The following SH3KBP1 variants were observed in gnomAD, a reference collection of about 807,000 sequenced individuals.
The protein encoded by SH3KBP1 is SH3 domain-containing kinase-binding protein 1.
In SH3KBP1, 8 loss-of-function variants were observed where a neutral mutation model predicts 50.1. The ratio of observed to expected loss-of-function variants is 0.16; its 90% CI spans 0.09 to 0.29. The LOEUF (loss-of-function observed/expected upper bound fraction) is 0.29, where lower values mean the gene tolerates loss of function less well. Among genes scored for constraint, SH3KBP1 ranks in the 10% least tolerant of loss-of-function variants. The pLI is 1.00. For missense variants in SH3KBP1, 377 were observed against 535.2 expected (o/e 0.70, Z 2.92); for synonymous variants, 227 against 218.6 (o/e 1.04, Z -0.34).
At chrX:19,803,179 C>T (rs2066940995) in intron 2 of SH3KBP1, among the ~76,000 whole-genome samples, 1 of 111,957 alleles carries the variant, frequency 8.9e-6, no homozygotes, top group Non-Finnish European at 1.9e-5. Context: ...CATCTCTCAC[C>T]GTAGAAGCTT....
At chrX:19,749,477 A>T (rs2065006961) in intron 2 of SH3KBP1, among the ~76,000 whole-genome samples, 1 of 113,140 alleles carries the variant, frequency 8.8e-6, no homozygotes, top group Non-Finnish European at 1.9e-5. Context: ...AATATTATAC[A>T]GCCTCGAAAA....
At chrX:19,652,315 A>G (rs751477506) in intron 6 of SH3KBP1, among the ~76,000 whole-genome samples, 1 of 111,491 alleles carries the variant, frequency 9.0e-6, no homozygotes, top group Admixed American at 9.5e-5. Flanking sequence ...ATTGGTTGCT[A>G]TAGAGAAGAA....
intron 9 of SH3KBP1, among the ~76,000 whole-genome samples, chrX:19,605,711 G>A (rs1467882554): frequency 1.8e-5 from 2 of 111,838 alleles, no homozygotes; most frequent in African/African-American, 6.5e-5. Context: ...CAGTACCCAT[G>A]TGCACGCTTC....
chrX:19,790,385 C>T (rs1312603478), intron 2 of SH3KBP1, among the ~76,000 whole-genome samples: 1 of 111,467 alleles, frequency 9.0e-6, no homozygotes, highest in Non-Finnish European at 1.9e-5. Flanking sequence ...TTATGAGCAC[C>T]GTTCTGGGGG....
chrX:19,611,167 C>T (rs892479524), intron 8 of SH3KBP1, among the ~76,000 whole-genome samples: 10 of 109,144 alleles, frequency 9.2e-5, no homozygotes, highest in Non-Finnish European at 1.3e-4. Flanking sequence ...ATTACAGGTG[C>T]GAGCTACCAC....
intron 3 of SH3KBP1, among the ~76,000 whole-genome samples, chrX:19,744,475 G>C (rs755191893): frequency 8.9e-5 from 10 of 111,788 alleles, no homozygotes; most frequent in Non-Finnish European, 1.3e-4. Flanking sequence ...CCTTCAGCTG[G>C]AAATTTATGT....
At chrX:19,569,239 T>C (rs756321571) in intron 12 of SH3KBP1, 51 bp from the exon 13 acceptor site, 2 of 1,051,031 alleles carry the variant, frequency 1.9e-6, no homozygotes, top group East Asian at 3.0e-5. Flanking sequence ...TGTGTCCTTG[T>C]CATTCTGTCA....
At chrX:19,629,079 C>T (rs770958931) in intron 8 of SH3KBP1, among the ~76,000 whole-genome samples, 1 of 111,377 alleles carries the variant, frequency 9.0e-6, no homozygotes, top group African/African-American at 3.3e-5. Context: ...TGCACTCCAG[C>T]CTGGGCGACA....
At chrX:19,608,552 G>A (rs1161190106) in intron 8 of SH3KBP1, among the ~76,000 whole-genome samples, 2 of 111,051 alleles carry the variant, frequency 1.8e-5, no homozygotes, top group East Asian at 2.8e-4. Flanking sequence ...CAGGTGATCC[G>A]CCCGCCTTGG....
intron 12 of SH3KBP1, among the ~76,000 whole-genome samples, chrX:19,572,315 T>TTATATAGTACATATATATGTTA (rs1287695508): frequency 3.0e-5 from 3 of 101,351 alleles, no homozygotes; most frequent in East Asian, 2.8e-4. Flanking sequence ...AGTACATATG[T>TTATATAGTACATATATATGTTA]TATATAGTAC....
chrX:19,842,168 T>A (rs150698014), intron 1 of SH3KBP1, among the ~76,000 whole-genome samples: 231 of 112,110 alleles, frequency 2.1e-3, no homozygotes, highest in Non-Finnish European at 3.6e-3. Context: ...TGCTGTAAAT[T>A]TACTTGAAAA....
chrX:19,887,450 C>T lies in SH3KBP1; in HGVS notation c.-140G>A. The T allele has an allele frequency of 2.2e-6, 1 of 462,009 alleles. No homozygotes were observed. Among genetic ancestry groups the T allele is most frequent in the Non-Finnish European group, 3.1e-6 (1 of 327,059 alleles). The allele number at this position is 462,009 out of a possible 1,213,427, so 38.1% of individuals were successfully genotyped here. A position where few individuals can be genotyped will look rare whatever the true frequency, so the allele number is the denominator to read the frequency against. ...GCGGCGGCTGGGCCGGCTTCTTCCT[C>T]AGTGGCGGCGGCGGCGGCTCAGCGC... On this transcript the variant is annotated 5_prime_UTR_variant, in exon 1 of 18. Coordinates refer to ENST00000397821, the MANE Select transcript of SH3KBP1 (RefSeq NM_031892.3).
chrX:19,566,218 A>C (rs377269713), intron 13 of SH3KBP1, among the ~76,000 whole-genome samples: 3 of 111,049 alleles, frequency 2.7e-5, no homozygotes, highest in East Asian at 5.6e-4. Context: ...GAGAAAACCA[A>C]ACCTCAGTAC....
chrX:19,583,144 AT>A (rs1404329224), intron 12 of SH3KBP1, among the ~76,000 whole-genome samples: 2 of 99,664 alleles, frequency 2.0e-5, no homozygotes, highest in Non-Finnish European at 3.9e-5. Flanking sequence ...TATTATTATT[AT>A]TATTATTATT....
chrX:19,645,836 G>A (rs1474707162), intron 6 of SH3KBP1, among the ~76,000 whole-genome samples: 2 of 111,875 alleles, frequency 1.8e-5, no homozygotes, highest in African/African-American at 3.3e-5. Context: ...CTGGCCCAAC[G>A]GAGATGCTCA....
intron 2 of SH3KBP1, among the ~76,000 whole-genome samples, chrX:19,816,643 C>CA (rs977138785): frequency 2.7e-5 from 3 of 110,241 alleles, no homozygotes; most frequent in African/African-American, 9.9e-5. Context: ...TCCATCTCTA[C>CA]AAAAAATACA....
intron 7 of SH3KBP1, among the ~76,000 whole-genome samples, chrX:19,635,887 T>C (rs1384087680): frequency 9.0e-6 from 1 of 111,572 alleles, no homozygotes; most frequent in Non-Finnish European, 1.9e-5. Context: ...TGATGGAATA[T>C]TGTTGTGTTT....
chrX:19,564,459 C>A (rs773273988), intron 13 of SH3KBP1, among the ~76,000 whole-genome samples: 5 of 110,812 alleles, frequency 4.5e-5, no homozygotes, highest in Non-Finnish European at 9.4e-5. Context: ...TATCTAATCA[C>A]AAATCCAATA....
chrX:19,838,801 C>T (rs763130106), intron 1 of SH3KBP1, among the ~76,000 whole-genome samples: 3 of 104,083 alleles, frequency 2.9e-5, no homozygotes, highest in South Asian at 4.4e-4. Context: ...GCAGGAGAAT[C>T]GCTTGAAACC....
Sources: gnomAD v4.1 joint callset for allele counts (sites outside exome capture counted in the v4.1 genomes callset) on GRCh38, gnomAD v4.1.1 for gene constraint, MANE v1.5 for transcripts, NCBI Gene and HGNC (gene_info 2026-07-23, HGNC 2026-07-21) for gene names.